The following HDAC9 variants were observed in gnomAD, a reference collection of about 807,000 sequenced individuals.
HDAC9 encodes histone deacetylase 9.
A neutral mutation model predicts 139.4 loss-of-function variants in HDAC9; 41 were observed. The ratio of observed to expected loss-of-function variants is 0.29; its 90% CI spans 0.23 to 0.38. The LOEUF (loss-of-function observed/expected upper bound fraction) is 0.38, where lower values mean the gene tolerates loss of function less well. Ranked by LOEUF, HDAC9 falls within the 10% of genes least tolerant of loss-of-function variation. The pLI, the probability that HDAC9 is intolerant of heterozygous loss-of-function variation, is 1.00. For missense variants in HDAC9, 1,147 were observed against 1,297.0 expected, an observed-to-expected ratio of 0.88 and a Z score of 1.78; for synonymous variants, 517 against 476.2, an observed-to-expected ratio of 1.09 and a Z score of -1.12.
At chr7:18,687,404 A>G (rs1465826399) in intron 12 of HDAC9, among the ~76,000 whole-genome samples, 2 of 151,906 alleles carry the variant, frequency 1.3e-5, no homozygotes, top group Non-Finnish European at 2.9e-5. Flanking sequence ...TCAAAGGTGT[A>G]TGATATAATT....
intron 16 of HDAC9, among the ~76,000 whole-genome samples, chr7:18,789,908 T>G (rs1475179713): frequency 3.3e-5 from 5 of 152,190 alleles, no homozygotes; most frequent in African/African-American, 1.2e-4. Context: ...GAAGTGGCCC[T>G]CTTGATGCTA....
intron 14 of HDAC9, among the ~76,000 whole-genome samples, chr7:18,759,572 C>G (rs903882665): frequency 6.6e-6 from 1 of 152,032 alleles, no homozygotes. Flanking sequence ...ATAATTATTT[C>G]ATTACATATT....
At chr7:18,175,842 G>A (rs1788856869) in intron 2 of HDAC9, among the ~76,000 whole-genome samples, 1 of 143,328 alleles carries the variant, frequency 7.0e-6, no homozygotes, top group Non-Finnish European at 1.5e-5. Flanking sequence ...ATGATAGATG[G>A]TTGCTCCTCA....
chr7:18,508,600 C>G lies in HDAC9; in HGVS notation c.22+12276C>G, dbSNP rs184467871. 2.4e-3 allele frequency among the ~76,000 whole-genome samples: 326 copies of G among 134,482 alleles called. 1 individual carries two copies. Among genetic ancestry groups the G allele is most frequent in the Admixed American group, 6.4e-3 (81 of 12,680 alleles). The allele number at this position is 134,482 out of a possible 152,430, so 88.2% of individuals were successfully genotyped here. On this transcript the variant is annotated intron_variant, in intron 2 of 25. Coordinates refer to ENST00000686413, the MANE Select transcript of HDAC9 (RefSeq NM_178425.4). ...TTGTTCCTAAGGTTCACCCTTGTCCCTCATCTCACCTGCCCTGTCAATTGT... is the reference window on the plus strand; with the variant it reads ...TTGTTCCTAAGGTTCACCCTTGTCCGTCATCTCACCTGCCCTGTCAATTGT...
chr7:18,992,545 A>G (rs1415267208), intron 25 of HDAC9, among the ~76,000 whole-genome samples: 1 of 152,228 alleles, frequency 6.6e-6, no homozygotes, highest in African/African-American at 2.4e-5. Context: ...AGTAAGAAAT[A>G]AGAATTAAAT....
intron 1 of HDAC9, among the ~76,000 whole-genome samples, chr7:18,438,616 A>C (rs1056812139): frequency 2.0e-5 from 3 of 151,262 alleles, no homozygotes; most frequent in Non-Finnish European, 4.4e-5. Flanking sequence ...CATGTTGCTA[A>C]GTGAAAAGAC....
chr7:18,949,026 C>T, intron 23 of HDAC9: 1 of 408,678 alleles, frequency 2.4e-6, no homozygotes, highest in Non-Finnish European at 4.7e-6. Context: ...TGTGTACTTG[C>T]TTGCATTTTT....
At chr7:18,319,158 A>C (rs1319679617) in intron 1 of HDAC9, among the ~76,000 whole-genome samples, 2 of 152,190 alleles carry the variant, frequency 1.3e-5, no homozygotes, top group African/African-American at 4.8e-5. Flanking sequence ...TGAAACAAAA[A>C]CACTTCGTGG....
chr7:18,718,984 A>G (rs1784922288), intron 12 of HDAC9, among the ~76,000 whole-genome samples: 1 of 152,046 alleles, frequency 6.6e-6, no homozygotes, highest in African/African-American at 2.4e-5. Flanking sequence ...GAAGTTGTAA[A>G]TTGTTGGGGT....
At chr7:18,960,550 TGGGAGA>T in intron 24 of HDAC9, among the ~76,000 whole-genome samples, 1 of 152,094 alleles carries the variant, frequency 6.6e-6, no homozygotes, top group South Asian at 2.1e-4. Flanking sequence ...ATATTTCCAA[TGGGAGA>T]TAACTCATAG....
intron 1 of HDAC9, among the ~76,000 whole-genome samples, chr7:18,436,491 C>G (rs1400084276): frequency 6.6e-6 from 1 of 152,140 alleles, no homozygotes; most frequent in Admixed American, 6.5e-5. Context: ...TTCTGATAGA[C>G]TGATCTTTAT....
rs527785633 is a variant in HDAC9, at chr7:18,939,097, A to C, written c.2937+3155A>C. ...GTATGTCTTATGGTAAATTTGAGTT[A>C]GTTATTATGATGCCCTAAATACCAG... On this transcript the variant is annotated intron_variant, in intron 23 of 25. Coordinates refer to ENST00000686413, the MANE Select transcript of HDAC9 (RefSeq NM_178425.4). 7.9e-5 allele frequency among the ~76,000 whole-genome samples: 12 copies of C among 152,312 alleles called. No individual in the cohort carries two copies. In the South Asian group the frequency reaches 2.3e-3, roughly 29 times the overall value.
intron 6 of HDAC9, among the ~76,000 whole-genome samples, chr7:18,622,817 ATTG>A (rs1390193445): frequency 6.6e-6 from 1 of 152,036 alleles, no homozygotes; most frequent in Non-Finnish European, 1.5e-5. Context: ...AATCTAAATT[ATTG>A]TTGTAAAGAA....
At chr7:18,791,340 A>T (rs1279146623) in intron 16 of HDAC9, among the ~76,000 whole-genome samples, 3 of 152,166 alleles carry the variant, frequency 2.0e-5, no homozygotes, top group Non-Finnish European at 4.4e-5. Flanking sequence ...TTAAATTCTG[A>T]TTAATGCAGG....
At chr7:18,938,700 A>G (rs1287038991) in intron 23 of HDAC9, among the ~76,000 whole-genome samples, 2 of 152,254 alleles carry the variant, frequency 1.3e-5, no homozygotes, top group Non-Finnish European at 2.9e-5. Context: ...AAGGAGAGTG[A>G]ATACTGCAAC....
chr7:18,701,397 TAA>T (rs533989795), intron 12 of HDAC9, among the ~76,000 whole-genome samples: 1 of 103,152 alleles, frequency 9.7e-6, no homozygotes, highest in East Asian at 3.0e-4. Flanking sequence ...GCGTCTGATT[TAA>T]AAAAAAACAA....
At chr7:18,577,940 A>G (rs992458562) in intron 2 of HDAC9, among the ~76,000 whole-genome samples, 1 of 152,132 alleles carries the variant, frequency 6.6e-6, no homozygotes, top group Non-Finnish European at 1.5e-5. Context: ...GTTAAAAAAA[A>G]TTTAAAAACC....
intron 2 of HDAC9, among the ~76,000 whole-genome samples, chr7:18,216,114 G>A (rs1451998668): frequency 6.6e-6 from 1 of 150,918 alleles, no homozygotes; most frequent in African/African-American, 2.5e-5. Flanking sequence ...GTCTGTGTGT[G>A]TGTGTGTGTG....
intron 2 of HDAC9, among the ~76,000 whole-genome samples, chr7:18,217,910 CT>C (rs1320873933): frequency 1.3e-5 from 2 of 152,104 alleles, no homozygotes; most frequent in African/African-American, 4.8e-5. Flanking sequence ...TGTGTCTCTC[CT>C]AAAGTAGTAG....
Sources: allele counts gnomAD v4.1 joint callset (sites outside exome capture counted in the v4.1 genomes callset), GRCh38; gene constraint gnomAD v4.1.1; transcripts MANE v1.5; gene names NCBI Gene and HGNC (gene_info 2026-07-23, HGNC 2026-07-21).